The following SORCS1 variants were observed in gnomAD, a reference collection of about 807,000 sequenced individuals.
SORCS1 encodes the protein VPS10 domain-containing receptor SorCS1.
In SORCS1, 60 loss-of-function variants were observed where a neutral mutation model predicts 146.1. That is an observed-to-expected ratio of 0.41 (90% CI 0.33 to 0.51). SORCS1 has a LOEUF of 0.51. Ranked by LOEUF, SORCS1 falls within the 20% of genes least tolerant of loss-of-function variation. The pLI is 0.21. For missense variants in SORCS1, 1,352 were observed against 1,487.6 expected (o/e 0.91, Z 1.50); for synonymous variants, 637 against 584.0 (o/e 1.09, Z -1.31).
chr10:107,150,941 G>A (rs1024145674), intron 1 of SORCS1, among the ~76,000 whole-genome samples: 1 of 152,178 alleles, frequency 6.6e-6, no homozygotes, highest in Non-Finnish European at 1.5e-5. Flanking sequence ...CCAGTCCCGG[G>A]TATATCTTTA....
At chr10:106,865,789 T>C (rs1950203802) in intron 2 of SORCS1, among the ~76,000 whole-genome samples, 1 of 151,774 alleles carries the variant, frequency 6.6e-6, no homozygotes, top group Non-Finnish European at 1.5e-5. Context: ...GCCAGACTGT[T>C]TGGGAGGCCC....
chr10:107,156,332 A>G (rs1394280418), intron 1 of SORCS1, among the ~76,000 whole-genome samples: 2 of 152,212 alleles, frequency 1.3e-5, no homozygotes, highest in African/African-American at 2.4e-5. Context: ...GGTAACCTTG[A>G]GCAAGTTGTT....
intron 6 of SORCS1, among the ~76,000 whole-genome samples, chr10:106,710,279 T>A (rs1159318130): frequency 6.6e-6 from 1 of 151,946 alleles, no homozygotes; most frequent in African/African-American, 2.4e-5. Context: ...AAACCCCGTC[T>A]CTACTAAAAA....
intron 24 of SORCS1, among the ~76,000 whole-genome samples, chr10:106,581,990 AC>A (rs1844945896): frequency 6.6e-6 from 1 of 152,202 alleles, no homozygotes; most frequent in Non-Finnish European, 1.5e-5. Flanking sequence ...TAACCAGAAT[AC>A]CAGTGATATG....
rs75326101 is a variant in SORCS1 at position 106,667,936 on chromosome 10, A to C, written c.2190-134T>G. 123 of 582,898 alleles carry C rather than the reference A, an allele frequency of 2.1e-4. 1 individual carries two copies. The highest frequency in any genetic ancestry group is 1.5e-3 in the Middle Eastern group (4 of 2,676). 36.1% of individuals were successfully genotyped at this position (582,898 alleles called of 1,614,324 possible). ...ACAAAAATAAAAACAAAAAAAAAAA[A>C]CACAAGCATTCCCTGAATCAATGAC... is the stretch of plus-strand genomic sequence containing the variant. On this transcript the variant is annotated intron_variant, in intron 16 of 25. Transcript: ENST00000263054.
Position 106,600,320 on chromosome 10 carries a change from TTA to T in SORCS1, c.3166-2872_3166-2871del, listed in dbSNP as rs139317893. 0.019 allele frequency: 18,165 copies of T among 967,192 alleles called. 1,568 individuals are homozygous for T. In the African/African-American group the frequency reaches 0.23, roughly 12 times the overall value. The allele number at this position is 967,192 out of a possible 1,614,324, so 59.9% of individuals were successfully genotyped here. On this transcript the variant is annotated intron_variant, in intron 23 of 25. Transcript: ENST00000263054. ...TAAGAAGGAAATTTAAATTTAAAAA[TTA>T]TCTGGTAACAGAAAGTACGTTTCAT...
intron 2 of SORCS1, among the ~76,000 whole-genome samples, chr10:106,903,214 C>T (rs1170315483): frequency 6.6e-6 from 1 of 152,192 alleles, no homozygotes; most frequent in Admixed American, 6.5e-5. Context: ...ATAACATCCA[C>T]CATTGGAGAG....
intron 1 of SORCS1, among the ~76,000 whole-genome samples, chr10:107,045,029 G>A (rs1029131690): frequency 5.3e-5 from 8 of 152,148 alleles, no homozygotes; most frequent in East Asian, 1.9e-4. Flanking sequence ...AGAAGGATGC[G>A]CATTTGAGTA....
chr10:106,752,644 G>T (rs867587325), intron 5 of SORCS1, among the ~76,000 whole-genome samples: 1 of 152,172 alleles, frequency 6.6e-6, no homozygotes, highest in Non-Finnish European at 1.5e-5. Flanking sequence ...AATGAGGAAT[G>T]AGACAAATAT....
intron 2 of SORCS1, among the ~76,000 whole-genome samples, chr10:106,850,361 G>T (rs1009847998): frequency 6.6e-6 from 1 of 151,994 alleles, no homozygotes; most frequent in African/African-American, 2.4e-5. Context: ...AGGTGCGTCC[G>T]TCACCCCTTT....
At chr10:107,145,518 C>G (rs768803031) in intron 1 of SORCS1, among the ~76,000 whole-genome samples, 1 of 152,120 alleles carries the variant, frequency 6.6e-6, no homozygotes, top group African/African-American at 2.4e-5. Flanking sequence ...AATTTACCCA[C>G]GTGCACCAAG....
chr10:106,757,811 C>A (rs533873051), intron 5 of SORCS1, among the ~76,000 whole-genome samples: 9 of 152,288 alleles, frequency 5.9e-5, no homozygotes, highest in South Asian at 4.1e-4. Flanking sequence ...TTTAGTAGAG[C>A]ACAGACTGTG....
At chr10:107,112,047 T>C (rs1965734008) in intron 1 of SORCS1, among the ~76,000 whole-genome samples, 1 of 152,092 alleles carries the variant, frequency 6.6e-6, no homozygotes, top group African/African-American at 2.4e-5. Context: ...CATGAAAACA[T>C]ATTAAAGTAT....
chr10:107,012,636 G>A (rs1213648966), intron 1 of SORCS1, among the ~76,000 whole-genome samples: 1 of 152,078 alleles, frequency 6.6e-6, no homozygotes, highest in Non-Finnish European at 1.5e-5. Flanking sequence ...ACTAGCTCAT[G>A]GAACAATCAG....
intron 6 of SORCS1, among the ~76,000 whole-genome samples, chr10:106,714,940 G>A (rs1379298856): frequency 1.3e-5 from 2 of 152,148 alleles, no homozygotes; most frequent in African/African-American, 4.8e-5. Flanking sequence ...GAAAAGCCCC[G>A]GAAGAGGTCT....
intron 2 of SORCS1, among the ~76,000 whole-genome samples, chr10:106,862,746 C>T (rs1950065387): frequency 1.6e-5 from 2 of 128,918 alleles, no homozygotes; most frequent in African/African-American, 3.1e-5. Flanking sequence ...GAGATCAAGA[C>T]CATCCTGGCT....
chr10:107,021,184 C>A (rs1958113249), intron 1 of SORCS1, among the ~76,000 whole-genome samples: 1 of 151,964 alleles, frequency 6.6e-6, no homozygotes, highest in Admixed American at 6.6e-5. Flanking sequence ...GGAAGGAAGA[C>A]CGGCTATGTG....
intron 23 of SORCS1, among the ~76,000 whole-genome samples, chr10:106,599,356 A>C (rs1302636081): frequency 6.6e-6 from 1 of 150,470 alleles, no homozygotes; most frequent in Non-Finnish European, 1.5e-5. Flanking sequence ...AGACAGAGTA[A>C]AACTCTAATT....
chr10:106,807,234 G>A (rs188616644), intron 3 of SORCS1, among the ~76,000 whole-genome samples: 3 of 152,264 alleles, frequency 2.0e-5, no homozygotes, highest in African/African-American at 4.8e-5. Context: ...AATCTCAGTC[G>A]GAGAGTGCAA....
Sources: allele counts gnomAD v4.1 joint callset (sites outside exome capture counted in the v4.1 genomes callset), GRCh38; gene constraint gnomAD v4.1.1; transcripts MANE v1.5; gene names NCBI Gene and HGNC (gene_info 2026-07-23, HGNC 2026-07-21).